The following UBE2V1 variants were observed in gnomAD, a reference collection of about 807,000 sequenced individuals.
UBE2V1 encodes ubiquitin conjugating enzyme E2 V1, also known as ubiquitin-conjugating enzyme E2 variant 1.
Under a neutral mutation model 19.6 loss-of-function variants are expected in UBE2V1, and 15 were observed. The ratio of observed to expected loss-of-function variants is 0.77; its 90% CI spans 0.51 to 1.18. The LOEUF (loss-of-function observed/expected upper bound fraction) is 1.18. Among genes scored for constraint, UBE2V1 ranks in the 50% most tolerant of loss-of-function variants. UBE2V1 has a pLI of 0.00. For missense variants in UBE2V1, 125 were observed against 184.8 expected (o/e 0.68, Z 1.88); for synonymous variants, 60 against 60.7 (o/e 0.99, Z 0.05).
intron 2 of UBE2V1, among the ~76,000 whole-genome samples, chr20:50,089,189 AG>A (rs1218955222): frequency 6.6e-6 from 1 of 152,020 alleles, no homozygotes; most frequent in African/African-American, 2.4e-5. Context: ...CTCTTAAGGG[AG>A]GGGGGGATAA....
chr20:50,097,538 A>G (rs2079705437), intron 1 of UBE2V1, among the ~76,000 whole-genome samples: 1 of 152,168 alleles, frequency 6.6e-6, no homozygotes, highest in Non-Finnish European at 1.5e-5. Context: ...GGTGTCTTCC[A>G]GAACAGAACC....
At chr20:50,115,349 G>A, upstream of UBE2V1, 1 of 1,362,534 alleles carries the variant, frequency 7.3e-7, no homozygotes, top group Non-Finnish European at 9.6e-7. Flanking sequence ...GGCTACAGGT[G>A]AAGCAACTTG....
chr20:50,096,805 C>A lies in UBE2V1; in HGVS notation c.38G>T (p.Arg13Leu), dbSNP rs755680210. 1.2e-6 allele frequency: 2 copies of A among 1,613,604 alleles called. No individual in the cohort carries two copies. The highest frequency in any genetic ancestry group is 1.7e-6 in the Non-Finnish European group (2 of 1,179,840). Residue 13 changes from arginine to leucine, a missense_variant, in exon 2 of 4, where the codon CGC (arginine) becomes CTC (leucine). This residue lies in a region of UBE2V1 where 28 missense variants were observed against 22.5 expected (regional missense o/e 1.25). Transcript: ENST00000371674. ...GAGTTCTTCCAACAGTCGGAAATTG[C>A]GAGGGACTTTTACTCCTAAAATAAA... is the stretch of plus-strand genomic sequence containing the variant. ...ATTGSGVKVP[R>L]NFRLLEELEE...
chr20:50,094,242 C>T (rs1241295931), intron 2 of UBE2V1, among the ~76,000 whole-genome samples: 1 of 133,818 alleles, frequency 7.5e-6, no homozygotes, highest in Admixed American at 7.8e-5. Flanking sequence ...ATATATAATG[C>T]ATTATATAAT....
intron 1 of UBE2V1, 148 bp downstream of exon 1, chr20:50,112,959 G>A (rs529995582): frequency 7.8e-6 from 3 of 385,640 alleles, no homozygotes; most frequent in East Asian, 3.9e-5. Context: ...CTCCTCCCCC[G>A]GTCAGGCCGC....
At chr20:50,085,261 C>T (rs371192159) in intron 2 of UBE2V1, among the ~76,000 whole-genome samples, 12 of 152,056 alleles carry the variant, frequency 7.9e-5, no homozygotes, top group African/African-American at 2.9e-4. Flanking sequence ...CCCCCTATGC[C>T]AATAACCTCT....
intron 3 of UBE2V1, chr20:50,083,596 G>C (rs923303778): frequency 1.3e-5 from 2 of 153,276 alleles, no homozygotes; most frequent in Non-Finnish European, 2.9e-5. Flanking sequence ...CAGGAGAGCA[G>C]GCCTCAAAGG....
chr20:50,082,795 C>T lies in UBE2V1; in HGVS notation c.417G>A (p.Pro139=), dbSNP rs73598394. The change falls in exon 4 of 4, where the codon CCG becomes CCA. Residue 139 remains proline, a synonymous_variant. Transcript: ENST00000371674. The stretch of plus-strand genomic sequence containing the variant: ...AATTGCTGTAACACTGTCCTTCGGG[C>T]GGCTGAGGGAGTTTCATATTTTCTT... ...MSKENMKLPQ[P]PEGQCYSN 1.1e-3 allele frequency: 1,785 copies of T among 1,612,900 alleles called. 29 individuals carry two copies. In the African/African-American group the frequency reaches 0.021, roughly 19 times the overall value.
intron 1 of UBE2V1, among the ~76,000 whole-genome samples, chr20:50,104,059 G>A (rs189718285): frequency 1.5e-3 from 231 of 151,594 alleles, no homozygotes; most frequent in African/African-American, 5.3e-3. Context: ...TGAGACAGGC[G>A]GATCACGAGG....
At chr20:50,091,530 T>TC (rs1270747771) in intron 2 of UBE2V1, among the ~76,000 whole-genome samples, 1 of 149,724 alleles carries the variant, frequency 6.7e-6, no homozygotes, top group African/African-American at 2.5e-5. Context: ...GCCTCCTGAG[T>TC]CAGGCATCTG....
rs1324511371 is a variant in UBE2V1 at position 50,096,816 on chromosome 20, T to C, written c.27A>G (p.Val9=). The C allele has an allele frequency of 6.2e-7, 1 of 1,613,906 alleles. No homozygotes were observed. Among genetic ancestry groups the C allele is most frequent in the Admixed American group, 1.7e-5 (1 of 59,990 alleles). Residue 9 remains valine, a synonymous_variant, in exon 2 of 4, where the codon GTA becomes GTG. Transcript: ENST00000371674. The part of the protein sequence containing the change: MAATTGSG[V]KVPRNFRLLE... ...ACAGTCGGAAATTGCGAGGGACTTT[T>C]ACTCCTAAAATAAATGGAAAGAAAT...
At chr20:50,105,371 G>A (rs1207368015) in intron 1 of UBE2V1, among the ~76,000 whole-genome samples, 1 of 152,158 alleles carries the variant, frequency 6.6e-6, no homozygotes, top group Non-Finnish European at 1.5e-5. Flanking sequence ...AGTGACAAGC[G>A]AAAAGCTCAT....
chr20:50,113,220 T>C (rs1464848726), upstream of UBE2V1: 3 of 1,003,988 alleles, frequency 3.0e-6, no homozygotes, highest in African/African-American at 1.7e-5. Flanking sequence ...CGCACGCACA[T>C]ACGCCGCCGC....
At chr20:50,094,308 A>G (rs536129681) in intron 2 of UBE2V1, among the ~76,000 whole-genome samples, 50 of 142,754 alleles carry the variant, frequency 3.5e-4, no homozygotes, top group Non-Finnish European at 6.7e-4. Flanking sequence ...TATATATAAT[A>G]TATGTCCATC....
At chr20:50,100,008 G>T (rs1405525190) in intron 1 of UBE2V1, among the ~76,000 whole-genome samples, 1 of 152,202 alleles carries the variant, frequency 6.6e-6, no homozygotes, top group Non-Finnish European at 1.5e-5. Flanking sequence ...TGAGAGGGGA[G>T]GGTCACTTGA....
intron 1 of UBE2V1, among the ~76,000 whole-genome samples, chr20:50,102,835 C>G (rs2080093298): frequency 6.6e-6 from 1 of 152,208 alleles, no homozygotes; most frequent in Admixed American, 6.5e-5. Context: ...TTTTGTGCCA[C>G]TCTGCCTTGC....
At chr20:50,100,643 G>C (rs1406606955) in intron 1 of UBE2V1, among the ~76,000 whole-genome samples, 2 of 152,112 alleles carry the variant, frequency 1.3e-5, no homozygotes, top group Admixed American at 6.5e-5. Context: ...AGCTTCTACA[G>C]TTAAGCCCTT....
chr20:50,083,052 T>G, intron 3 of UBE2V1, 138 bp from the exon 4 acceptor site: 1 of 1,372,056 alleles, frequency 7.3e-7, no homozygotes, highest in African/African-American at 1.5e-5. Context: ...ATACCTTACA[T>G]GCGGAATACC....
intron 1 of UBE2V1, among the ~76,000 whole-genome samples, chr20:50,097,269 T>A (rs897954653): frequency 6.6e-6 from 1 of 152,212 alleles, no homozygotes; most frequent in African/African-American, 2.4e-5. Flanking sequence ...ACCATGGATA[T>A]GGGAAATAAA....
Sources: allele counts gnomAD v4.1 joint callset (sites outside exome capture counted in the v4.1 genomes callset), GRCh38; gene constraint gnomAD v4.1.1; regional missense constraint gnomAD v4.1.1; transcripts MANE v1.5; gene names NCBI Gene and HGNC (gene_info 2026-07-23, HGNC 2026-07-21).